Variants in DGKG observed in about 807,000 individuals in gnomAD.
The protein encoded by DGKG is DAG kinase gamma.
A neutral mutation model predicts 105.3 loss-of-function variants in DGKG; 78 were observed. That is an observed-to-expected ratio of 0.74 (90% confidence interval 0.62 to 0.89). The LOEUF (loss-of-function observed/expected upper bound fraction) is 0.89. Ranked by LOEUF, DGKG falls within the 40% of genes least tolerant of loss-of-function variation. The pLI, the probability that DGKG is intolerant of heterozygous loss-of-function variation, is 0.00. For synonymous variants in DGKG, 346 were observed against 367.1 expected (o/e 0.94, Z 0.66); for missense variants, 958 against 1,020.1 (o/e 0.94, Z 0.83).
chr3:186,272,910 G>C (rs1372469237), intron 10 of DGKG, among the ~76,000 whole-genome samples: 1 of 152,044 alleles, frequency 6.6e-6, no homozygotes, highest in Non-Finnish European at 1.5e-5. Flanking sequence ...TGTATTTTTA[G>C]TAGAAATGGG....
intron 21 of DGKG, among the ~76,000 whole-genome samples, chr3:186,205,127 G>A (rs1184832687): frequency 1.3e-5 from 2 of 151,872 alleles, no homozygotes; most frequent in Non-Finnish European, 2.9e-5. Flanking sequence ...CATGGTGGTG[G>A]GTGCCTGTAA....
At position 186,147,665 on chromosome 3, in the gene DGKG, C is replaced by G. The variant is rs1195440600; in HGVS notation, c.*2425G>C. ...AGGTAAGGGCCATTTTCTGCACTGCCCCTTCATGAGACCTGTGAGTCTCTG... is the reference window on the plus strand; with the variant it reads ...AGGTAAGGGCCATTTTCTGCACTGCGCCTTCATGAGACCTGTGAGTCTCTG... On this transcript the variant is annotated 3_prime_UTR_variant, in exon 25 of 25. Transcript: ENST00000265022. 3 of 985,282 alleles carry G rather than the reference C, an allele frequency of 3.0e-6. No homozygotes were observed. The highest frequency in any genetic ancestry group is 3.6e-6 in the Non-Finnish European group (3 of 829,938). 61.0% of individuals were successfully genotyped at this position (985,282 alleles called of 1,614,324 possible).
chr3:186,189,851 C>T (rs965961430), intron 21 of DGKG, among the ~76,000 whole-genome samples: 1 of 152,132 alleles, frequency 6.6e-6, no homozygotes, highest in Non-Finnish European at 1.5e-5. Flanking sequence ...GATTCTCTCT[C>T]ACTCTTGTTT....
At chr3:186,354,347 G>A (rs1726799381) in intron 1 of DGKG, among the ~76,000 whole-genome samples, 1 of 152,182 alleles carries the variant, frequency 6.6e-6, no homozygotes, top group African/African-American at 2.4e-5. Context: ...GGATCAAAGT[G>A]GCCTCACTGA....
At chr3:186,212,361 A>G (rs1223335273) in intron 20 of DGKG, among the ~76,000 whole-genome samples, 1 of 152,118 alleles carries the variant, frequency 6.6e-6, no homozygotes, top group Non-Finnish European at 1.5e-5. Flanking sequence ...CCCCACACTA[A>G]CCCAGCTAAA....
intron 3 of DGKG, chr3:186,306,675 A>C: frequency 2.1e-6 from 1 of 482,706 alleles, no homozygotes; most frequent in Non-Finnish European, 3.7e-6. Context: ...GGGGTGAGAG[A>C]TGAGCAGAGG....
chr3:186,306,995 A>C lies in DGKG; in HGVS notation c.68-18T>G, dbSNP rs111967395. The C allele has an allele frequency of 1.1e-3, 1,774 of 1,553,174 alleles. 22 individuals are homozygous for C. The African/African-American group carries it at 0.02, about 18-fold the overall frequency. On this transcript the variant is annotated intron_variant, in intron 2 of 24. Coordinates refer to ENST00000265022, the MANE Select transcript of DGKG (RefSeq NM_001346.3). ...GGAGGAATCTGAAGAGACACAATTC[A>C]CATGTGAAACACTGGCAAATAGCTA...
At chr3:186,211,970 C>T in intron 20 of DGKG, 85 bp from the exon 21 acceptor site, 2 of 1,087,614 alleles carry the variant, frequency 1.8e-6, no homozygotes, top group Non-Finnish European at 2.8e-6. Flanking sequence ...ATTGGGAGGC[C>T]CAAGCCTTCA....
At chr3:186,286,371 C>G (rs529685902) in intron 6 of DGKG, among the ~76,000 whole-genome samples, 33 of 152,352 alleles carry the variant, frequency 2.2e-4, no homozygotes, top group Admixed American at 2.1e-3. Flanking sequence ...ACGCTGACCT[C>G]TCTCTGGTCC....
chr3:186,226,194 T>G lies in DGKG; in HGVS notation c.1827-14309A>C, dbSNP rs1281226231. On this transcript the variant is annotated intron_variant, in intron 20 of 24. Coordinates refer to ENST00000265022, the MANE Select transcript of DGKG (RefSeq NM_001346.3). This position sits in a 1 kb window ranked among gnomAD's most constrained non-coding sequence, Gnocchi z 4.2. ...GTACAAACCATGATTATTGTGAATT[T>G]TAAGATTATACCACCAAGGCTTGAT... is the stretch of plus-strand genomic sequence containing the variant. 6.6e-6 allele frequency among the ~76,000 whole-genome samples: 1 copy of G among 152,222 alleles called. No homozygotes were observed. The highest frequency in any genetic ancestry group is 1.5e-5 in the Non-Finnish European group (1 of 68,040).
chr3:186,354,179 A>G (rs1726790732), intron 1 of DGKG, among the ~76,000 whole-genome samples: 1 of 152,178 alleles, frequency 6.6e-6, no homozygotes, highest in South Asian at 2.1e-4. Context: ...GGAGCTGGAA[A>G]GAGCTTTCTC....
At chr3:186,336,349 G>C (rs1283627385) in intron 1 of DGKG, among the ~76,000 whole-genome samples, 1 of 152,026 alleles carries the variant, frequency 6.6e-6, no homozygotes, top group African/African-American at 2.4e-5. Flanking sequence ...TGAAAATTAA[G>C]AAAAAGATCC....
In DGKG at chr3:186,293,962, A is replaced by T. The variant is rs138551268; in HGVS notation, c.373+3459T>A. ...TCCCTTAAATCTCAAGTGTCAAAAG[A>T]AGATAAAAAAATGCTGTATACCTCC... On this transcript the variant is annotated intron_variant, in intron 5 of 24. Coordinates refer to ENST00000265022, the MANE Select transcript of DGKG (RefSeq NM_001346.3). Among the ~76,000 whole-genome samples the T allele has an allele frequency of 2.1e-3, 326 of 152,330 alleles. 3 individuals carry two copies. Among genetic ancestry groups the T allele is most frequent in the Admixed American group, 0.012 (190 of 15,308 alleles).
At chr3:186,242,220 C>A (rs1720721738) in intron 20 of DGKG, among the ~76,000 whole-genome samples, 1 of 152,166 alleles carries the variant, frequency 6.6e-6, no homozygotes, top group African/African-American at 2.4e-5. Flanking sequence ...GGGCAGACGC[C>A]CTCCCACCTC....
At chr3:186,290,290 G>C (rs1723256309) in intron 5 of DGKG, among the ~76,000 whole-genome samples, 1 of 152,206 alleles carries the variant, frequency 6.6e-6, no homozygotes, top group African/African-American at 2.4e-5. Context: ...TGAGATAGGG[G>C]AGGTTGTAAT....
intron 11 of DGKG, among the ~76,000 whole-genome samples, chr3:186,271,451 G>A (rs1360896655): frequency 6.6e-6 from 1 of 152,104 alleles, no homozygotes; most frequent in Non-Finnish European, 1.5e-5. Context: ...CCATCCTAGA[G>A]CAGTGAGTGT....
chr3:186,208,248 G>A (rs1718848030), intron 21 of DGKG, among the ~76,000 whole-genome samples: 1 of 151,940 alleles, frequency 6.6e-6, no homozygotes, highest in African/African-American at 2.4e-5. Context: ...CACCATGTTG[G>A]CCAGGCTGGT....
At chr3:186,286,934 T>C (rs1302040034) in intron 6 of DGKG, among the ~76,000 whole-genome samples, 1 of 151,928 alleles carries the variant, frequency 6.6e-6, no homozygotes, top group Non-Finnish European at 1.5e-5. Context: ...CTTGGGAGAC[T>C]GAGGCAGAAG....
At chr3:186,237,828 TTCCTTTA>T (rs1231746359) in intron 20 of DGKG, among the ~76,000 whole-genome samples, 1 of 152,196 alleles carries the variant, frequency 6.6e-6, no homozygotes, top group Non-Finnish European at 1.5e-5. Flanking sequence ...CCAGTGTCAG[TTCCTTTA>T]TCTGTAAATG....
Sources: gnomAD v4.1 joint callset for allele counts (sites outside exome capture counted in the v4.1 genomes callset) on GRCh38, gnomAD v4.1.1 for gene constraint, Gnocchi (gnomAD v3.1) non-coding constraint, MANE v1.5 for transcripts, NCBI Gene and HGNC (gene_info 2026-07-23, HGNC 2026-07-21) for gene names.